Variants in CLYBL observed in about 807,000 individuals in gnomAD.
CLYBL encodes citramalyl-CoA lyase, mitochondrial.
CLYBL carries 31 observed loss-of-function variants against 38.9 expected under a neutral mutation model. The ratio of observed to expected loss-of-function variants is 0.80; its 90% CI spans 0.60 to 1.08. The LOEUF (loss-of-function observed/expected upper bound fraction) is 1.08. Among genes scored for constraint, CLYBL ranks in the 50% least tolerant of loss-of-function variants. The pLI is 0.00. For synonymous variants in CLYBL, 171 were observed against 158.6 expected (o/e 1.08, Z -0.59); for missense variants, 434 against 411.6 (o/e 1.05, Z -0.47).
At position 99,816,193 on chromosome 13, in the gene CLYBL, A is replaced by G. The variant is rs182764235; in HGVS notation, c.250-42668A>G. 2.6e-5 allele frequency among the ~76,000 whole-genome samples: 4 copies of G among 152,304 alleles called. No individual in the cohort carries two copies. The East Asian group carries it at 7.7e-4, about 29-fold the overall frequency. Reference sequence around the variant, plus strand: ...TATAACTTCTATATTTGGCATAAACAACAGTCACCAGAGACCAATAAGACT... The same window carrying G: ...TATAACTTCTATATTTGGCATAAACGACAGTCACCAGAGACCAATAAGACT... On this transcript the variant is annotated intron_variant, in intron 2 of 8. Coordinates refer to ENST00000339105, the MANE Select transcript of CLYBL (RefSeq NM_206808.5).
At chr13:99,612,537 G>A (rs2046642490) in intron 1 of CLYBL, among the ~76,000 whole-genome samples, 1 of 151,776 alleles carries the variant, frequency 6.6e-6, no homozygotes, top group African/African-American at 2.4e-5. Flanking sequence ...ACAGGCATTA[G>A]CCACCATGTC....
chr13:99,776,175 AC>A (rs68034343), intron 2 of CLYBL, among the ~76,000 whole-genome samples: 106,069 of 139,700 alleles, frequency 0.76, 40,275 homozygotes, highest in Middle Eastern at 0.83. Flanking sequence ...AAAAAAAAAA[AC>A]CAAAAAACAA....
chr13:99,733,621 G>A (rs2048624760), intron 1 of CLYBL, among the ~76,000 whole-genome samples: 1 of 152,238 alleles, frequency 6.6e-6, no homozygotes, highest in Admixed American at 6.5e-5. Context: ...GGACTAATTT[G>A]GAAAATATGG....
chr13:99,706,210 G>A (rs2048144889), intron 1 of CLYBL, among the ~76,000 whole-genome samples: 1 of 152,100 alleles, frequency 6.6e-6, no homozygotes, highest in African/African-American at 2.4e-5. Context: ...CATTACAGGC[G>A]TGAGCTACCG....
chr13:99,878,971 A>G (rs920699753), intron 7 of CLYBL, among the ~76,000 whole-genome samples: 3 of 152,206 alleles, frequency 2.0e-5, no homozygotes, highest in Admixed American at 6.5e-5. Flanking sequence ...TAAAGTAAGC[A>G]TGGCTCTGGT....
At chr13:99,829,589 G>C (rs1566344354) in intron 2 of CLYBL, among the ~76,000 whole-genome samples, 1 of 152,184 alleles carries the variant, frequency 6.6e-6, no homozygotes, top group Non-Finnish European at 1.5e-5. Context: ...TTAGAATTGA[G>C]CACTAGAAAG....
chr13:99,777,379 G>A (rs1449510333), intron 2 of CLYBL, among the ~76,000 whole-genome samples: 1 of 152,136 alleles, frequency 6.6e-6, no homozygotes, highest in East Asian at 1.9e-4. Context: ...TCAGGTAAAT[G>A]AGACTTGTTC....
At chr13:99,858,397 C>T (rs1053685504) in intron 2 of CLYBL, among the ~76,000 whole-genome samples, 9 of 152,076 alleles carry the variant, frequency 5.9e-5, no homozygotes, top group African/African-American at 2.2e-4. Context: ...AAGAAAAATC[C>T]TTATTTTTTC....
intron 1 of CLYBL, among the ~76,000 whole-genome samples, chr13:99,641,565 G>A (rs981923888): frequency 1.3e-5 from 2 of 151,760 alleles, no homozygotes; most frequent in Non-Finnish European, 2.9e-5. Context: ...GCACTTTTGG[G>A]AAGCCAAGGT....
At chr13:99,631,881 G>A (rs1283458110) in intron 1 of CLYBL, among the ~76,000 whole-genome samples, 10 of 152,128 alleles carry the variant, frequency 6.6e-5, no homozygotes, top group Middle Eastern at 3.2e-3. Flanking sequence ...GATTACAGGC[G>A]TGAGCCACCG....
chr13:99,772,926 T>C lies in CLYBL; in HGVS notation c.165T>C (p.Asp55=). ...CAGTGCTTTATGTACCTGGAAATGA[T>C]GAAAAGAAAATAAAGAAGATTCCAT... The part of the protein sequence containing the change: ...RRAVLYVPGN[D]EKKIKKIPSL... Residue 55 remains aspartate (D), a synonymous_variant, in exon 2 of 9, where the codon GAT becomes GAC. Transcript: ENST00000339105. 6.2e-7 allele frequency: 1 copy of C among 1,613,842 alleles called. No homozygotes were observed.
intron 1 of CLYBL, among the ~76,000 whole-genome samples, chr13:99,700,299 G>A (rs1268320344): frequency 6.6e-6 from 1 of 152,024 alleles, no homozygotes; most frequent in Admixed American, 6.6e-5. Context: ...CTTAAAATTA[G>A]GCGAGCATGG....
chr13:99,897,942 A>G, downstream of CLYBL, among the ~76,000 whole-genome samples: 1 of 151,358 alleles, frequency 6.6e-6, no homozygotes, highest in East Asian at 1.9e-4. Flanking sequence ...TGCCGTCTCA[A>G]AAAAAAGAAA....
At chr13:99,805,083 G>A (rs866487381) in intron 2 of CLYBL, among the ~76,000 whole-genome samples, 1 of 152,160 alleles carries the variant, frequency 6.6e-6, no homozygotes, top group Non-Finnish European at 1.5e-5. Context: ...GTTATAGTGT[G>A]TATCAAAATG....
In CLYBL at chr13:99,776,453, C is replaced by T. The variant is rs1156927045; in HGVS notation, c.249+3443C>T. ...AGAGGTTGTAGTGAGCCGAGATTGC[C>T]CCACTGCACTTCAGCCTGGGTGACA... On this transcript the variant is annotated intron_variant, in intron 2 of 8. Transcript: ENST00000339105. 2.0e-5 allele frequency among the ~76,000 whole-genome samples: 3 copies of T among 149,080 alleles called. No homozygotes were observed. The East Asian group carries it at 5.9e-4, about 29-fold the overall frequency.
chr13:99,823,685 G>A (rs567339166), intron 2 of CLYBL, among the ~76,000 whole-genome samples: 1 of 152,310 alleles, frequency 6.6e-6, no homozygotes, highest in South Asian at 2.1e-4. Context: ...TTGTCTGGAT[G>A]TTCCACAGTT....
At chr13:99,706,556 C>T (rs770510021) in intron 1 of CLYBL, among the ~76,000 whole-genome samples, 3 of 152,056 alleles carry the variant, frequency 2.0e-5, no homozygotes, top group South Asian at 2.1e-4. Flanking sequence ...TAGAGTATTA[C>T]GGAAGGTGAT....
intron 2 of CLYBL, among the ~76,000 whole-genome samples, chr13:99,826,133 A>G (rs2050690920): frequency 6.6e-6 from 1 of 152,192 alleles, no homozygotes; most frequent in Non-Finnish European, 1.5e-5. Context: ...AGGCTATAGT[A>G]CCCGGTTATT....
At chr13:99,703,588 C>CT (rs2048103265) in intron 1 of CLYBL, among the ~76,000 whole-genome samples, 3 of 152,238 alleles carry the variant, frequency 2.0e-5, no homozygotes, top group Admixed American at 2.0e-4. Flanking sequence ...CCAGAGTAGT[C>CT]CGATCTCCTG....
Sources: gnomAD v4.1 joint callset for allele counts (sites outside exome capture counted in the v4.1 genomes callset) on GRCh38, gnomAD v4.1.1 for gene constraint, MANE v1.5 for transcripts, NCBI Gene and HGNC (gene_info 2026-07-23, HGNC 2026-07-21) for gene names.